RGS6: variants seen among roughly 807,000 people sequenced by gnomAD.
RGS6 encodes regulator of G protein signaling 6.
Under a neutral mutation model 78.5 loss-of-function variants are expected in RGS6, and 30 were observed. The observed-to-expected ratio is 0.38, with a 90% CI of 0.29 to 0.52. RGS6 has a LOEUF of 0.52. Ranked by LOEUF, RGS6 falls within the 20% of genes least tolerant of loss-of-function variation. RGS6 has a pLI of 0.85. For missense variants in RGS6, 495 were observed against 609.7 expected, an observed-to-expected ratio of 0.81 and a Z score of 1.98; for synonymous variants, 206 against 206.0, an observed-to-expected ratio of 1.00 and a Z score of 0.00.
intron 14 of RGS6, among the ~76,000 whole-genome samples, chr14:72,515,357 A>T (rs1407657185): frequency 1.3e-5 from 2 of 152,120 alleles, no homozygotes; most frequent in Non-Finnish European, 2.9e-5. Context: ...TTATTTTTAC[A>T]TAAAAGTTTA....
chr14:72,152,275 C>T (rs1017823964), intron 2 of RGS6, among the ~76,000 whole-genome samples: 14 of 148,728 alleles, frequency 9.4e-5, no homozygotes, highest in African/African-American at 1.5e-4. Flanking sequence ...TGTGTGTGTG[C>T]GCATGCAGCC....
chr14:72,223,090 C>T (rs569218661), intron 2 of RGS6, among the ~76,000 whole-genome samples: 2 of 152,222 alleles, frequency 1.3e-5, no homozygotes, highest in Non-Finnish European at 2.9e-5. Flanking sequence ...TCTGCAAAGA[C>T]TTTCCCTTCA....
the RGS6 span, among the ~76,000 whole-genome samples, chr14:72,580,885 C>G: frequency 3.3e-5 from 5 of 152,196 alleles, no homozygotes; most frequent in Non-Finnish European, 5.9e-5. Flanking sequence ...CTCTGCCTGC[C>G]TTATGGGAGC....
At chr14:71,964,582 G>C (rs535747939) in intron 1 of RGS6, among the ~76,000 whole-genome samples, 190 bp from the exon 2 acceptor site, 3 of 152,110 alleles carry the variant, frequency 2.0e-5, no homozygotes, top group Non-Finnish European at 4.4e-5. Flanking sequence ...TCAATAACAT[G>C]TTGTTTGGGG....
At chr14:72,434,421 C>A (rs2094805357) in intron 3 of RGS6, among the ~76,000 whole-genome samples, 1 of 152,128 alleles carries the variant, frequency 6.6e-6, no homozygotes, top group Non-Finnish European at 1.5e-5. Context: ...TTCTGAGCAC[C>A]CAGGTCTGAT....
the RGS6 span, among the ~76,000 whole-genome samples, chr14:71,903,967 C>T: frequency 6.2e-4 from 94 of 152,036 alleles, 1 homozygote; most frequent in African/African-American, 1.7e-3. Flanking sequence ...CTGGGGAATA[C>T]GAACAACAAA....
intron 17 of RGS6, among the ~76,000 whole-genome samples, chr14:72,550,945 T>C (rs918529209): frequency 2.0e-5 from 3 of 152,126 alleles, no homozygotes; most frequent in African/African-American, 4.8e-5. Context: ...GTTTAAGCGA[T>C]TCTCCTGCCT....
chr14:72,238,849 A>G (rs1264693508), intron 2 of RGS6, among the ~76,000 whole-genome samples: 1 of 152,136 alleles, frequency 6.6e-6, no homozygotes. Context: ...CATGCCTAAA[A>G]CACTCATACA....
intron 2 of RGS6, among the ~76,000 whole-genome samples, chr14:72,350,239 G>C (rs1193977584): frequency 6.6e-6 from 1 of 152,170 alleles, no homozygotes; most frequent in East Asian, 1.9e-4. Flanking sequence ...GAGAAACCCA[G>C]AAGAGTCCAG....
the RGS6 span, among the ~76,000 whole-genome samples, chr14:72,598,121 C>G: frequency 2.6e-5 from 4 of 152,234 alleles, no homozygotes; most frequent in African/African-American, 9.6e-5. Flanking sequence ...TTTTGCCCCT[C>G]AGGGGCATTG....
intron 2 of RGS6, among the ~76,000 whole-genome samples, chr14:72,160,085 C>T (rs748007703): frequency 1.4e-4 from 21 of 152,122 alleles, no homozygotes; most frequent in Non-Finnish European, 2.6e-4. Flanking sequence ...TACTAAATGG[C>T]TCAATATTGC....
chr14:71,918,156 G>C, the RGS6 span, among the ~76,000 whole-genome samples: 2 of 119,884 alleles, frequency 1.7e-5, no homozygotes, highest in Admixed American at 1.2e-4. Flanking sequence ...ACTCCAGCCT[G>C]CTGGGTGACA....
intron 2 of RGS6, among the ~76,000 whole-genome samples, chr14:72,204,345 A>G (rs2153744115): frequency 6.6e-6 from 1 of 152,218 alleles, no homozygotes; most frequent in Non-Finnish European, 1.5e-5. Flanking sequence ...TTCCAGGGGG[A>G]GGGTATCTTG....
chr14:72,214,329 A>G (rs2045018985), intron 2 of RGS6, among the ~76,000 whole-genome samples: 1 of 152,030 alleles, frequency 6.6e-6, no homozygotes, highest in Non-Finnish European at 1.5e-5. Flanking sequence ...GGCACGTGCC[A>G]CCATGCCCAG....
chr14:72,170,615 G>A (rs1340734086), intron 2 of RGS6, among the ~76,000 whole-genome samples: 1 of 152,050 alleles, frequency 6.6e-6, no homozygotes, highest in African/African-American at 2.4e-5. Flanking sequence ...GATTTATTTA[G>A]GTCAACATTG....
chr14:72,508,362 C>T (rs578000459), intron 13 of RGS6, among the ~76,000 whole-genome samples: 1 of 152,210 alleles, frequency 6.6e-6, no homozygotes, highest in African/African-American at 2.4e-5. Flanking sequence ...AAATTTGAAT[C>T]ATTTAAAATT....
chr14:72,149,145 G>A (rs931316779), intron 2 of RGS6, among the ~76,000 whole-genome samples: 7 of 152,158 alleles, frequency 4.6e-5, no homozygotes, highest in South Asian at 2.1e-4. Flanking sequence ...GCACCTACTC[G>A]TGTCCTTTAC....
intron 15 of RGS6, among the ~76,000 whole-genome samples, chr14:72,530,866 G>C (rs1448789171): frequency 6.6e-6 from 1 of 152,166 alleles, no homozygotes; most frequent in African/African-American, 2.4e-5. Context: ...ACTTGATGCA[G>C]TCATAAACCC....
chr14:72,540,995 C>T (rs529970539), intron 17 of RGS6: 14 of 1,279,456 alleles, frequency 1.1e-5, no homozygotes, highest in East Asian at 5.6e-5. Context: ...CTCCTCTTTC[C>T]ATGCTGGTCG....
Sources: gnomAD v4.1 joint callset for allele counts (sites outside exome capture counted in the v4.1 genomes callset) on GRCh38, gnomAD v4.1.1 for gene constraint, MANE v1.5 for transcripts, NCBI Gene and HGNC (gene_info 2026-07-23, HGNC 2026-07-21) for gene names.